CAPZB: variants seen among roughly 807,000 people sequenced by gnomAD.
CAPZB encodes capping actin protein of muscle Z-line subunit beta, also known as F-actin-capping protein subunit beta.
In CAPZB, 2 loss-of-function variants were observed where a neutral mutation model predicts 38.1. The observed-to-expected ratio is 0.05, with a 90% confidence interval of 0.02 to 0.17. The LOEUF (loss-of-function observed/expected upper bound fraction) is 0.17, where lower values mean the gene tolerates loss of function less well. CAPZB is among the 10% of genes least tolerant of loss of function. The pLI, the probability that CAPZB is intolerant of heterozygous loss-of-function variation, is 1.00. For missense variants in CAPZB, 161 were observed against 334.2 expected (o/e 0.48, Z 4.04); for synonymous variants, 107 against 127.4 (o/e 0.84, Z 1.08).
At chr1:19,448,973 G>A (rs41303891) in intron 1 of CAPZB, 247 of 1,605,488 alleles carry the variant, frequency 1.5e-4, no homozygotes, top group Non-Finnish European at 2.0e-4. Context: ...GAGGGGGCAA[G>A]AGGAAGTGGA....
chr1:19,462,806 C>A (rs1252352621), intron 1 of CAPZB, among the ~76,000 whole-genome samples: 2 of 152,234 alleles, frequency 1.3e-5, no homozygotes, highest in South Asian at 2.1e-4. Flanking sequence ...AAGGCAGCCA[C>A]TAGCCTTCGA....
At chr1:19,434,594 C>A (rs187804284) in intron 1 of CAPZB, among the ~76,000 whole-genome samples, 3 of 150,568 alleles carry the variant, frequency 2.0e-5, no homozygotes, top group Non-Finnish European at 1.5e-5. Context: ...CAGGTATTAT[C>A]ACCATCTTCT....
chr1:19,436,941 G>A (rs765803205), intron 1 of CAPZB, among the ~76,000 whole-genome samples: 3 of 152,244 alleles, frequency 2.0e-5, no homozygotes, highest in East Asian at 3.8e-4. Flanking sequence ...GCAGACACCA[G>A]GAAGACCTTG....
At chr1:19,434,502 A>T (rs573727390) in intron 1 of CAPZB, among the ~76,000 whole-genome samples, 45 of 151,404 alleles carry the variant, frequency 3.0e-4, no homozygotes, top group Non-Finnish European at 5.0e-4. Context: ...AGGCAAGAGG[A>T]CAGCTTGAGG....
chr1:19,476,173 T>C (rs1386481424), intron 1 of CAPZB, among the ~76,000 whole-genome samples: 7 of 1,900 alleles, frequency 3.7e-3, no homozygotes, highest in Non-Finnish European at 5.8e-3. Flanking sequence ...AATAAGTAGA[T>C]AGATAGATAG....
intron 6 of CAPZB, among the ~76,000 whole-genome samples, chr1:19,349,331 G>C (rs779459909): frequency 3.9e-5 from 6 of 152,122 alleles, no homozygotes; most frequent in Non-Finnish European, 7.4e-5. Flanking sequence ...AGGGAAGCCT[G>C]GGGGTTGGAT....
At chr1:19,342,789 G>A (rs781704824) in intron 8 of CAPZB, 97 of 1,612,214 alleles carry the variant, frequency 6.0e-5, no homozygotes, top group East Asian at 8.9e-5. Flanking sequence ...TGTAGATCTG[G>A]CGCTGGGTCA....
intron 4 of CAPZB, among the ~76,000 whole-genome samples, chr1:19,366,283 A>AATAAATAAATATATAT (rs71008151): frequency 9.9e-5 from 6 of 60,504 alleles, no homozygotes; most frequent in Admixed American, 1.7e-4. Context: ...CGTGTCTTAA[A>AATAAATAAATATATAT]ATATATATAT....
intron 8 of CAPZB, among the ~76,000 whole-genome samples, chr1:19,340,411 CG>C (rs1412341469): frequency 6.6e-6 from 1 of 152,358 alleles, no homozygotes; most frequent in East Asian, 1.9e-4. Flanking sequence ...ACCGCATTCA[CG>C]TATGTGTGGG....
chr1:19,409,678 T>C (rs577093593), intron 2 of CAPZB, among the ~76,000 whole-genome samples: 1 of 152,342 alleles, frequency 6.6e-6, no homozygotes, highest in Non-Finnish European at 1.5e-5. Flanking sequence ...ATCTGTCCAA[T>C]GGGGACAACT....
Position 19,429,224 on chromosome 1 carries a change from C to T in CAPZB, c.4-9474G>A, listed in dbSNP as rs909232347. 2.0e-5 allele frequency among the ~76,000 whole-genome samples: 3 copies of T among 151,868 alleles called. No homozygotes were observed. The East Asian group carries it at 5.8e-4, about 29-fold the overall frequency. On this transcript the variant is annotated intron_variant, in intron 1 of 8. Coordinates refer to ENST00000264202, the MANE Select transcript of CAPZB (RefSeq NM_004930.5). ...CTACACTTCCTCAACTAATATGTTG[C>T]TTCTAATCTGCTATGAGGTTGAGAA...
At chr1:19,371,346 C>T (rs945640180) in intron 4 of CAPZB, among the ~76,000 whole-genome samples, 18 of 152,234 alleles carry the variant, frequency 1.2e-4, no homozygotes, top group Admixed American at 4.6e-4. Context: ...GTAAGATGCA[C>T]GTACAGATAC....
At chr1:19,439,231 G>C (rs2094467948) in intron 1 of CAPZB, among the ~76,000 whole-genome samples, 1 of 152,150 alleles carries the variant, frequency 6.6e-6, no homozygotes, top group South Asian at 2.1e-4. Context: ...TAAAGCACAA[G>C]ACTGTCCCAC....
intron 1 of CAPZB, among the ~76,000 whole-genome samples, chr1:19,481,945 A>G (rs1343762144): frequency 6.6e-6 from 1 of 152,208 alleles, no homozygotes; most frequent in Non-Finnish European, 1.5e-5. Flanking sequence ...GCACATAAGC[A>G]CCACAGAGTA....
chr1:19,464,760 C>A (rs1322062584), intron 1 of CAPZB, among the ~76,000 whole-genome samples: 1 of 152,130 alleles, frequency 6.6e-6, no homozygotes, highest in Non-Finnish European at 1.5e-5. Context: ...TCAAATAAAT[C>A]ATGTTACACG....
intron 4 of CAPZB, among the ~76,000 whole-genome samples, chr1:19,361,079 C>T (rs2094050140): frequency 6.6e-6 from 1 of 152,164 alleles, no homozygotes; most frequent in Non-Finnish European, 1.5e-5. Context: ...ACACTTGGCA[C>T]AGAATCATTA....
chr1:19,452,817 T>C (rs575689454), intron 1 of CAPZB, among the ~76,000 whole-genome samples: 2 of 150,604 alleles, frequency 1.3e-5, no homozygotes, highest in South Asian at 4.2e-4. Context: ...TTTTTGTCTT[T>C]TTTTGAGATG....
At chr1:19,454,883 A>G (rs1021971996) in intron 1 of CAPZB, among the ~76,000 whole-genome samples, 6 of 152,260 alleles carry the variant, frequency 3.9e-5, no homozygotes, top group Admixed American at 3.3e-4. Flanking sequence ...CTGCAGCATG[A>G]AAGTGCCTCT....
chr1:19,390,590 C>A (rs1207724912), intron 2 of CAPZB, among the ~76,000 whole-genome samples: 1 of 152,174 alleles, frequency 6.6e-6, no homozygotes, highest in East Asian at 1.9e-4. Flanking sequence ...TCTGCTGCCA[C>A]AGGAGTGTGC....
Sources: allele counts gnomAD v4.1 joint callset (sites outside exome capture counted in the v4.1 genomes callset), GRCh38; gene constraint gnomAD v4.1.1; transcripts MANE v1.5; gene names NCBI Gene and HGNC (gene_info 2026-07-23, HGNC 2026-07-21).